The following ULK4 variants were observed in gnomAD, a reference collection of about 807,000 sequenced individuals.
ULK4 encodes the protein unc-51 like kinase 4, also known as inactive serine/threonine-protein kinase ULK4.
ULK4 carries 133 observed loss-of-function variants against 160.6 expected under a neutral mutation model. The observed-to-expected ratio is 0.83, with a 90% CI of 0.72 to 0.96. The LOEUF is 0.96. ULK4 is among the 40% of genes least tolerant of loss of function. The pLI is 0.00. For synonymous variants in ULK4, 534 were observed against 539.8 expected (o/e 0.99, Z 0.15); for missense variants, 1,580 against 1,499.5 (o/e 1.05, Z -0.89).
At chr3:41,439,219 G>A (rs960275249) in intron 34 of ULK4, among the ~76,000 whole-genome samples, 8 of 152,174 alleles carry the variant, frequency 5.3e-5, no homozygotes, top group African/African-American at 1.9e-4. Flanking sequence ...TCAGTATCTG[G>A]ATTTGTGATA....
chr3:41,835,796 T>G (rs537442147), intron 18 of ULK4, 68 bp downstream of exon 18: 134 of 1,239,722 alleles, frequency 1.1e-4, no homozygotes, highest in Middle Eastern at 3.9e-4. Context: ...TTATAGGATA[T>G]TAATACTTGT....
chr3:41,423,691 A>C (rs551509248), intron 34 of ULK4, among the ~76,000 whole-genome samples: 1 of 152,104 alleles, frequency 6.6e-6, no homozygotes, highest in Non-Finnish European at 1.5e-5. Context: ...AGGTTCTCTC[A>C]CTGGGACTGA....
At chr3:41,489,156 T>C (rs982555309) in intron 32 of ULK4, among the ~76,000 whole-genome samples, 2 of 152,206 alleles carry the variant, frequency 1.3e-5, no homozygotes, top group African/African-American at 4.8e-5. Context: ...CTTCAACTAG[T>C]GCTCCCTGAA....
chr3:41,938,269 A>C, intron 2 of ULK4, 72 bp from the exon 3 acceptor site: 1 of 1,118,784 alleles, frequency 8.9e-7, no homozygotes, highest in Non-Finnish European at 1.3e-6. Context: ...AAAAACCTAA[A>C]TATACAATTG....
In ULK4 at chr3:41,869,512, T is replaced by A. The variant is rs143283176; in HGVS notation, c.1656+14362A>T. On this transcript the variant is annotated intron_variant, in intron 17 of 36. Transcript: ENST00000301831. ...ATGAGAATCACTTGAACCCAGGAGG[T>A]AGAGGTGCAATGAGCCAAGATTATG... Among the ~76,000 whole-genome samples the A allele has an allele frequency of 5.9e-5, 9 of 152,128 alleles. No individual in the cohort carries two copies. In the East Asian group the frequency reaches 1.7e-3, roughly 29 times the overall value.
At chr3:41,809,993 T>C (rs971861688) in intron 19 of ULK4, among the ~76,000 whole-genome samples, 2 of 152,236 alleles carry the variant, frequency 1.3e-5, no homozygotes, top group African/African-American at 2.4e-5. Flanking sequence ...TGACAGCTAA[T>C]TGAAGTTCCT....
At chr3:41,486,081 A>C (rs375429288) in intron 32 of ULK4, among the ~76,000 whole-genome samples, 3 of 152,120 alleles carry the variant, frequency 2.0e-5, no homozygotes, top group African/African-American at 4.8e-5. Flanking sequence ...ATTCCTTTCC[A>C]GTTTCCTGGA....
chr3:41,731,296 ACT>A, intron 22 of ULK4, among the ~76,000 whole-genome samples: 1 of 152,078 alleles, frequency 6.6e-6, no homozygotes, highest in Middle Eastern at 3.4e-3. Flanking sequence ...CCACCAAAAA[ACT>A]CTTACAAATA....
chr3:41,393,896 T>G (rs2082004390), intron 35 of ULK4, among the ~76,000 whole-genome samples: 1 of 152,134 alleles, frequency 6.6e-6, no homozygotes, highest in South Asian at 2.1e-4. Context: ...CAACCTGGGC[T>G]TGATACCAGC....
At chr3:41,494,699 A>G (rs923877266) in intron 32 of ULK4, among the ~76,000 whole-genome samples, 10 of 152,122 alleles carry the variant, frequency 6.6e-5, no homozygotes, top group Admixed American at 5.2e-4. Flanking sequence ...TCAGCCCAAA[A>G]TCTCCTTAAG....
At chr3:41,686,935 A>C (rs2036119814) in intron 27 of ULK4, among the ~76,000 whole-genome samples, 1 of 152,148 alleles carries the variant, frequency 6.6e-6, no homozygotes, top group African/African-American at 2.4e-5. Context: ...CATCATTCTG[A>C]GGCTAGGCAC....
chr3:41,755,792 C>A (rs1483898624), intron 21 of ULK4, among the ~76,000 whole-genome samples: 1 of 152,166 alleles, frequency 6.6e-6, no homozygotes, highest in Non-Finnish European at 1.5e-5. Context: ...ATCGGGAGAA[C>A]TGGCAAAATC....
intron 35 of ULK4, among the ~76,000 whole-genome samples, chr3:41,360,700 G>C (rs2081124774): frequency 6.6e-6 from 1 of 152,132 alleles, no homozygotes; most frequent in African/African-American, 2.4e-5. Context: ...TCAATTATAA[G>C]TGGGAGCCTG....
rs151004315 is a variant in ULK4 at position 41,745,356 on chromosome 3, G to C, written c.2321+9005C>G. On this transcript the variant is annotated intron_variant, in intron 22 of 36. Transcript: ENST00000301831. ...ACTACAAATACTTCAGTAGTAAAAA[G>C]ATAAAATGGAATACTAGAAAAAAAA... Among the ~76,000 whole-genome samples the C allele has an allele frequency of 2.7e-5, 4 of 150,546 alleles. No homozygotes were observed. The East Asian group carries it at 7.7e-4, about 29-fold the overall frequency.
intron 35 of ULK4, among the ~76,000 whole-genome samples, chr3:41,261,392 A>G (rs1437539776): frequency 6.6e-6 from 1 of 152,172 alleles, no homozygotes; most frequent in Admixed American, 6.5e-5. Context: ...GTCCAAGGTC[A>G]GCTAGCCAGC....
At chr3:41,556,519 G>A (rs545580317) in intron 32 of ULK4, among the ~76,000 whole-genome samples, 77 of 119,052 alleles carry the variant, frequency 6.5e-4, no homozygotes, top group Middle Eastern at 7.5e-3. Flanking sequence ...ACAGAGTCTC[G>A]CTCTGTCGCC....
At chr3:41,445,920 C>G (rs911674040) in intron 34 of ULK4, among the ~76,000 whole-genome samples, 570 of 151,912 alleles carry the variant, frequency 3.8e-3, no homozygotes, top group African/African-American at 0.013. Context: ...AAGAAACCAC[C>G]ATCAGAGTGA....
intron 35 of ULK4, among the ~76,000 whole-genome samples, chr3:41,289,155 GTTTGT>G (rs761413169): frequency 2.6e-5 from 4 of 152,294 alleles, no homozygotes; most frequent in South Asian, 4.1e-4. Context: ...ATTTGAATTG[GTTTGT>G]TTTGTTTGTT....
At chr3:41,471,195 G>C (rs186644893) in intron 32 of ULK4, among the ~76,000 whole-genome samples, 2 of 152,022 alleles carry the variant, frequency 1.3e-5, no homozygotes, top group African/African-American at 2.4e-5. Context: ...AGGGCAGAGA[G>C]ACTTCTATTT....
Sources: allele counts gnomAD v4.1 joint callset (sites outside exome capture counted in the v4.1 genomes callset), GRCh38; gene constraint gnomAD v4.1.1; transcripts MANE v1.5; gene names NCBI Gene and HGNC (gene_info 2026-07-23, HGNC 2026-07-21).